CLIC5: variants seen among roughly 807,000 people sequenced by gnomAD.
The protein encoded by CLIC5 is CLIC family member 5.
In CLIC5, 20 loss-of-function variants were observed where a neutral mutation model predicts 24.7. That is an observed-to-expected ratio of 0.81 (90% CI 0.57 to 1.18). CLIC5 has a LOEUF of 1.18. Ranked by LOEUF, CLIC5 falls within the 50% of genes most tolerant of loss-of-function variation. The pLI is 0.00. For synonymous variants in CLIC5, 159 were observed against 135.6 expected (o/e 1.17, Z -1.20); for missense variants, 341 against 326.1 (o/e 1.05, Z -0.35).
chr6:45,996,911 G>T (rs1278190959), intron 1 of CLIC5, among the ~76,000 whole-genome samples: 12 of 152,026 alleles, frequency 7.9e-5, no homozygotes, highest in Non-Finnish European at 4.4e-5. Context: ...TGGTGGGACT[G>T]TAAACTAGTT....
At chr6:45,914,170 G>A (rs1172057473) in intron 5 of CLIC5, 58 bp downstream of exon 5, 1 of 1,395,712 alleles carries the variant, frequency 7.2e-7, no homozygotes, top group African/African-American at 1.4e-5. Flanking sequence ...CCACACAGGT[G>A]ACCTGGGCCT....
At chr6:46,010,816 G>A (rs937054619) in intron 1 of CLIC5, among the ~76,000 whole-genome samples, 2 of 152,288 alleles carry the variant, frequency 1.3e-5, no homozygotes, top group Admixed American at 6.5e-5. Context: ...TGTGTATTGC[G>A]TTATTGACTA....
At chr6:45,930,973 A>G (rs1467548256) in intron 4 of CLIC5, among the ~76,000 whole-genome samples, 3 of 152,216 alleles carry the variant, frequency 2.0e-5, no homozygotes, top group Non-Finnish European at 2.9e-5. Flanking sequence ...AATCCAGTTC[A>G]CTGCCTACTT....
upstream of CLIC5, among the ~76,000 whole-genome samples, chr6:46,082,741 G>C (rs776034908): frequency 6.6e-6 from 1 of 152,042 alleles, no homozygotes; most frequent in African/African-American, 2.4e-5. Flanking sequence ...TGTTTAAAAT[G>C]ACAACCCATC....
At chr6:45,988,505 C>A (rs1293680531) in intron 1 of CLIC5, among the ~76,000 whole-genome samples, 1 of 152,154 alleles carries the variant, frequency 6.6e-6, no homozygotes, top group Non-Finnish European at 1.5e-5. Flanking sequence ...ATGGCCCAGT[C>A]AAGTTGACAT....
At chr6:46,129,635 A>G in the CLIC5 span, 1 of 152,280 alleles carries the variant, frequency 6.6e-6, no homozygotes, top group African/African-American at 2.4e-5. Flanking sequence ...ACCTTGGTGC[A>G]GCCAAAGTTG....
the CLIC5 span, among the ~76,000 whole-genome samples, chr6:46,122,045 T>C: frequency 6.6e-6 from 1 of 152,072 alleles, no homozygotes; most frequent in African/African-American, 2.4e-5. Flanking sequence ...AACAAGGATA[T>C]CCAGGAATAG....
At chr6:45,907,060 T>C (rs190504461) in intron 5 of CLIC5, among the ~76,000 whole-genome samples, 423 of 152,304 alleles carry the variant, frequency 2.8e-3, no homozygotes, top group African/African-American at 9.2e-3. Flanking sequence ...CACTACTACA[T>C]TGAATAGGAG....
chr6:45,912,710 T>C (rs969778804), intron 5 of CLIC5: 128 of 1,535,430 alleles, frequency 8.3e-5, no homozygotes, highest in Non-Finnish European at 1.1e-4. Context: ...TGAGCTGGAA[T>C]TATATCATCC....
intron 1 of CLIC5, among the ~76,000 whole-genome samples, chr6:46,001,152 C>A (rs965333273): frequency 1.3e-5 from 2 of 152,094 alleles, no homozygotes; most frequent in Admixed American, 1.3e-4. Context: ...TTTAGGGTGA[C>A]CTTAACTGGG....
chr6:46,097,861 A>G, the CLIC5 span, among the ~76,000 whole-genome samples: 1 of 152,030 alleles, frequency 6.6e-6, no homozygotes, highest in African/African-American at 2.4e-5. Context: ...CGTTTTTGTT[A>G]ATGGAAGACA....
chr6:45,891,064 G>T (rs140728688), intron 6 of CLIC5, among the ~76,000 whole-genome samples: 28 of 152,264 alleles, frequency 1.8e-4, no homozygotes, highest in African/African-American at 6.3e-4. Context: ...GCTGAAAAAA[G>T]AGGATTTTAA....
rs1762536744 is a variant in CLIC5 at position 45,902,506 on chromosome 6, T to A, written c.*582A>T. ...AAACTGAGAATGTGTCTCAAGTGAC[T>A]TTCCAGTCTGGCCCTTAGTGCCCAA... On this transcript the variant is annotated 3_prime_UTR_variant, in exon 6 of 6. Coordinates refer to ENST00000339561, the MANE Select transcript of CLIC5 (RefSeq NM_016929.5). The A allele has an allele frequency of 6.5e-6, 1 of 153,576 alleles. No homozygotes were observed. Among genetic ancestry groups the A allele is most frequent in the Non-Finnish European group, 1.5e-5 (1 of 68,686 alleles). 9.5% of individuals were successfully genotyped at this position (153,576 alleles called of 1,614,324 possible).
chr6:45,970,461 G>T (rs1765164003), intron 1 of CLIC5, among the ~76,000 whole-genome samples: 1 of 152,130 alleles, frequency 6.6e-6, no homozygotes. Context: ...TAATCCCCAG[G>T]CCAAAAGGGG....
At chr6:45,985,740 A>G (rs1322563622) in intron 1 of CLIC5, among the ~76,000 whole-genome samples, 2 of 152,154 alleles carry the variant, frequency 1.3e-5, no homozygotes, top group Admixed American at 6.5e-5. Context: ...TCCAAAGGTC[A>G]TCCTCCTTCC....
intron 1 of CLIC5, among the ~76,000 whole-genome samples, chr6:45,996,291 T>C (rs1168999002): frequency 1.3e-5 from 2 of 152,160 alleles, no homozygotes; most frequent in African/African-American, 4.8e-5. Context: ...TCCCATTTTG[T>C]AGGTTGCCTG....
At chr6:45,918,947 C>G (rs1322642464) in intron 4 of CLIC5, 1 of 985,370 alleles carries the variant, frequency 1.0e-6, no homozygotes, top group Non-Finnish European at 1.2e-6. Flanking sequence ...AGGGCACATA[C>G]GCTTATGCAA....
chr6:45,940,089 C>T (rs183086627), intron 4 of CLIC5, among the ~76,000 whole-genome samples: 202 of 152,240 alleles, frequency 1.3e-3, no homozygotes, highest in African/African-American at 4.6e-3. Flanking sequence ...GTCACTTTTT[C>T]CAGTCTCTGT....
At chr6:46,085,399 G>A in the CLIC5 span, among the ~76,000 whole-genome samples, 1 of 152,102 alleles carries the variant, frequency 6.6e-6, no homozygotes, top group Non-Finnish European at 1.5e-5. Context: ...CCCCATCTTT[G>A]TGGTTTTATC....
Sources: gnomAD v4.1 joint callset for allele counts (sites outside exome capture counted in the v4.1 genomes callset) on GRCh38, gnomAD v4.1.1 for gene constraint, MANE v1.5 for transcripts, NCBI Gene and HGNC (gene_info 2026-07-23, HGNC 2026-07-21) for gene names.